GRIK2: variants seen among roughly 807,000 people sequenced by gnomAD.
GRIK2 encodes the protein glutamate receptor ionotropic, kainate 2.
A neutral mutation model predicts 100.3 loss-of-function variants in GRIK2; 32 were observed. The ratio of observed to expected loss-of-function variants is 0.32; its 90% CI spans 0.24 to 0.43. The LOEUF (loss-of-function observed/expected upper bound fraction) is 0.43, where lower values mean the gene tolerates loss of function less well. Among genes scored for constraint, GRIK2 ranks in the 20% least tolerant of loss-of-function variants. GRIK2 has a pLI of 1.00. For synonymous variants in GRIK2, 417 were observed against 389.4 expected (o/e 1.07, Z -0.83); for missense variants, 843 against 1,114.9 (o/e 0.76, Z 3.47).
intron 2 of GRIK2, among the ~76,000 whole-genome samples, chr6:101,601,248 A>G (rs1779199441): frequency 6.6e-6 from 1 of 151,498 alleles, no homozygotes; most frequent in Non-Finnish European, 1.5e-5. Context: ...ATTGACTTGC[A>G]TATGTTGAAC....
Position 102,068,607 on chromosome 6 carries a change from A to G in GRIK2, c.*96A>G, listed in dbSNP as rs2114546371. On this transcript the variant is annotated 3_prime_UTR_variant, in exon 17 of 17. Transcript: ENST00000369134. Reference sequence around the variant, plus strand: ...TGGAAATATGCAACCTGTGCAAAATAAAATGAGTTACCTCATGCCGCTGTG... The same window carrying G: ...TGGAAATATGCAACCTGTGCAAAATGAAATGAGTTACCTCATGCCGCTGTG... 9.9e-7 allele frequency: 1 copy of G among 1,014,404 alleles called. No individual in the cohort carries two copies. Among genetic ancestry groups the G allele is most frequent in the East Asian group, 2.6e-5 (1 of 38,768 alleles). 62.8% of individuals were successfully genotyped at this position (1,014,404 alleles called of 1,614,324 possible).
chr6:101,858,956 G>T (rs9390789), intron 10 of GRIK2, among the ~76,000 whole-genome samples: 122,153 of 151,484 alleles, frequency 0.81, 49,405 homozygotes, highest in East Asian at 0.92. Flanking sequence ...TGTCGGATAT[G>T]ATGTATTATA....
intron 16 of GRIK2, among the ~76,000 whole-genome samples, chr6:102,065,253 GAC>G (rs2114536259): frequency 6.6e-6 from 1 of 151,170 alleles, no homozygotes; most frequent in Non-Finnish European, 1.5e-5. Context: ...ATTTATTTAA[GAC>G]AATTTCAAAT....
chr6:102,049,485 T>A lies in GRIK2; in HGVS notation c.2312-5845T>A, dbSNP rs2518152. 2.0e-5 allele frequency among the ~76,000 whole-genome samples: 3 copies of A among 151,896 alleles called. No individual in the cohort carries two copies. In the East Asian group the frequency reaches 5.8e-4, roughly 29 times the overall value. ...AGAGGGAAAAATTCTTCCCCGACAA[T>A]AAATTTAAACATTAGAAACAAGTTT... is the stretch of plus-strand genomic sequence containing the variant. On this transcript the variant is annotated intron_variant, in intron 15 of 16. Coordinates refer to ENST00000369134, the MANE Select transcript of GRIK2 (RefSeq NM_021956.5).
At position 101,799,795 on chromosome 6, in the gene GRIK2, A is replaced by C. The variant is rs1283427742; in HGVS notation, c.1095+4A>C. On this transcript the variant is annotated splice_donor_region_variant and intron_variant, in intron 8 of 16. Transcript: ENST00000369134. ...CTTTATGAGTCTAATTAAAGAGGTAAGTTAGGAGAAGAACATCTGCCTTGT... is the reference window on the plus strand; with the variant it reads ...CTTTATGAGTCTAATTAAAGAGGTACGTTAGGAGAAGAACATCTGCCTTGT... 3 of 1,610,508 alleles carry C rather than the reference A, an allele frequency of 1.9e-6. No individual in the cohort carries two copies. Among genetic ancestry groups the C allele is most frequent in the Non-Finnish European group, 2.5e-6 (3 of 1,177,136 alleles).
At chr6:102,014,218 CAT>C (rs750253568) in intron 14 of GRIK2, among the ~76,000 whole-genome samples, 7 of 82,494 alleles carry the variant, frequency 8.5e-5, no homozygotes, top group Non-Finnish European at 2.2e-4. Flanking sequence ...TAGATTTTCA[CAT>C]GTGTGTGCAA....
intron 12 of GRIK2, among the ~76,000 whole-genome samples, chr6:101,902,120 C>G (rs1406154659): frequency 6.6e-6 from 1 of 151,852 alleles, no homozygotes; most frequent in Non-Finnish European, 1.5e-5. Flanking sequence ...GTAGCATTTG[C>G]CAATTTTCAT....
intron 2 of GRIK2, among the ~76,000 whole-genome samples, chr6:101,436,600 T>A (rs1191401672): frequency 1.3e-5 from 2 of 152,040 alleles, no homozygotes; most frequent in East Asian, 3.9e-4. Context: ...AGAACTAGTC[T>A]GGATAGAGAA....
intron 15 of GRIK2, among the ~76,000 whole-genome samples, chr6:102,039,503 T>A (rs1770455751): frequency 6.6e-6 from 1 of 151,456 alleles, no homozygotes; most frequent in Non-Finnish European, 1.5e-5. Flanking sequence ...TCATAGCAGT[T>A]TCATTAAGGA....
intron 2 of GRIK2, among the ~76,000 whole-genome samples, chr6:101,416,892 A>T (rs772076421): frequency 1.3e-5 from 2 of 152,182 alleles, no homozygotes; most frequent in Non-Finnish European, 2.9e-5. Flanking sequence ...AGCCTTCATC[A>T]TTGGAAGGAG....
rs148474987 is a variant in GRIK2 at position 101,827,405 on chromosome 6, G to A, written c.1317+8922G>A. Among the ~76,000 whole-genome samples the A allele has an allele frequency of 1.3e-3, 190 of 151,668 alleles. 1 individual carries two copies. Among genetic ancestry groups the A allele is most frequent in the African/African-American group, 4.3e-3 (177 of 41,434 alleles). ...ATGGTTTATTAAAAAACTTATTAGG[G>A]TTATTGCTCTATAAGCCTGGCATAC... On this transcript the variant is annotated intron_variant, in intron 10 of 16. Coordinates refer to ENST00000369134, the MANE Select transcript of GRIK2 (RefSeq NM_021956.5).
intron 2 of GRIK2, among the ~76,000 whole-genome samples, chr6:101,528,320 T>C (rs1775253544): frequency 6.6e-6 from 1 of 152,202 alleles, no homozygotes. Context: ...TAACACCCAC[T>C]ATAGGATTTG....
intron 12 of GRIK2, among the ~76,000 whole-genome samples, chr6:101,892,463 G>A (rs184518406): frequency 2.6e-5 from 4 of 152,002 alleles, no homozygotes; most frequent in African/African-American, 4.8e-5. Flanking sequence ...CTGATTTTAC[G>A]TGAAAGAAAT....
At chr6:101,896,788 G>C (rs1260034870) in intron 12 of GRIK2, among the ~76,000 whole-genome samples, 1 of 151,654 alleles carries the variant, frequency 6.6e-6, no homozygotes, top group East Asian at 1.9e-4. Flanking sequence ...ATGGTCATCT[G>C]TGATGATTTG....
At chr6:102,063,975 G>A in intron 16 of GRIK2, 1 of 1,520,414 alleles carries the variant, frequency 6.6e-7, no homozygotes. Context: ...TCTTCTATTT[G>A]GTTAGTGCCA....
chr6:101,889,572 C>G, intron 11 of GRIK2, 68 bp from the exon 12 acceptor site: 1 of 873,248 alleles, frequency 1.1e-6, no homozygotes. Context: ...TTTCTTGTGA[C>G]TGAAAATCAA....
chr6:101,749,398 C>T (rs908882339), intron 7 of GRIK2, among the ~76,000 whole-genome samples: 3 of 152,062 alleles, frequency 2.0e-5, no homozygotes, highest in African/African-American at 7.2e-5. Flanking sequence ...CATGAACCAC[C>T]ACGCCTGGCC....
chr6:102,022,590 T>G (rs1769486034), intron 14 of GRIK2, among the ~76,000 whole-genome samples: 2 of 151,750 alleles, frequency 1.3e-5, no homozygotes, highest in Admixed American at 1.3e-4. Context: ...ATGATTAATT[T>G]GAATGTTTCC....
At position 101,399,290 on chromosome 6, in the gene GRIK2, T is replaced by C. The variant is rs1775148307; in HGVS notation, c.13T>C (p.Phe5Leu). ...GCACAGAAACACCATGAAGATTATT[T>C]TCCCGATTCTAAGTAATCCAGTCTT... MKII[F>L]PILSNPVFRR... Residue 5 changes from phenylalanine (F) to leucine (L), a missense_variant, in exon 2 of 17, where the codon TTC becomes CTC. Phe to Leu is a conservative substitution (Grantham distance 22). Coordinates refer to ENST00000369134, the MANE Select transcript of GRIK2 (RefSeq NM_021956.5). The C allele has an allele frequency of 1.3e-6, 2 of 1,533,694 alleles. No homozygotes were observed. The highest frequency in any genetic ancestry group is 1.7e-4 in the Middle Eastern group (1 of 5,926).
Sources: allele counts gnomAD v4.1 joint callset (sites outside exome capture counted in the v4.1 genomes callset), GRCh38; gene constraint gnomAD v4.1.1; transcripts MANE v1.5; gene names NCBI Gene and HGNC (gene_info 2026-07-23, HGNC 2026-07-21).